Variants in KANK1 observed in about 807,000 individuals in gnomAD.
KANK1 encodes the protein KN motif and ankyrin repeat domain-containing protein 1.
A neutral mutation model predicts 106.2 loss-of-function variants in KANK1; 109 were observed. That is an observed-to-expected ratio of 1.03 (90% CI 0.88 to 1.20). The LOEUF (loss-of-function observed/expected upper bound fraction) is 1.20. Among genes scored for constraint, KANK1 ranks in the 50% most tolerant of loss-of-function variants. The pLI, the probability that KANK1 is intolerant of heterozygous loss-of-function variation, is 0.00. For synonymous variants in KANK1, 873 were observed against 652.2 expected (o/e 1.34, Z -5.16); for missense variants, 2,399 against 1,710.7 (o/e 1.40, Z -7.10).
chr9:539,253 A>G (rs1563736167), intron 1 of KANK1, among the ~76,000 whole-genome samples: 2 of 152,156 alleles, frequency 1.3e-5, no homozygotes, highest in Admixed American at 6.6e-5. Flanking sequence ...GGCATTTTGT[A>G]GTTCCATACA....
upstream of KANK1, among the ~76,000 whole-genome samples, chr9:503,009 T>C (rs1239174543): frequency 5.4e-5 from 7 of 130,196 alleles, no homozygotes; most frequent in East Asian, 1.2e-3. Context: ...TGATTTTTTT[T>C]TTTTTTTTTT....
At chr9:521,321 G>C (rs1172003404) in intron 1 of KANK1, among the ~76,000 whole-genome samples, 1 of 151,588 alleles carries the variant, frequency 6.6e-6, no homozygotes, top group African/African-American at 2.4e-5. Context: ...ACTTAGGCAA[G>C]AGTCTTAGGT....
intron 1 of KANK1, among the ~76,000 whole-genome samples, chr9:582,845 G>C (rs1220526237): frequency 6.6e-6 from 1 of 152,206 alleles, no homozygotes; most frequent in Non-Finnish European, 1.5e-5. Flanking sequence ...CGTGGGTTCA[G>C]ATGTACACTG....
chr9:650,210 C>G (rs1840576541), intron 1 of KANK1, among the ~76,000 whole-genome samples: 1 of 152,194 alleles, frequency 6.6e-6, no homozygotes, highest in South Asian at 2.1e-4. Context: ...ATACATAAAT[C>G]TACCTTTCTC....
intron 1 of KANK1, among the ~76,000 whole-genome samples, chr9:566,724 T>C (rs1817907993): frequency 6.6e-6 from 1 of 152,178 alleles, no homozygotes; most frequent in Non-Finnish European, 1.5e-5. Context: ...CTTATAAATT[T>C]AAGTTCCGTG....
At chr9:475,896 A>C (rs1011657298) in intron 3 of KANK1, among the ~76,000 whole-genome samples, 1 of 152,006 alleles carries the variant, frequency 6.6e-6, no homozygotes, top group African/African-American at 2.4e-5. Flanking sequence ...TCTGTTGCCC[A>C]GGCTGGAGTG....
intron 1 of KANK1, among the ~76,000 whole-genome samples, chr9:577,321 G>T (rs1386264132): frequency 6.6e-6 from 1 of 152,034 alleles, no homozygotes; most frequent in Non-Finnish European, 1.5e-5. Context: ...GTGCTGATTG[G>T]TGTGTTATTA....
At chr9:612,498 T>C (rs1830806533) in intron 1 of KANK1, among the ~76,000 whole-genome samples, 1 of 152,210 alleles carries the variant, frequency 6.6e-6, no homozygotes, top group African/African-American at 2.4e-5. Context: ...TTCAGTGTCA[T>C]CATCTTTATG....
At chr9:555,631 A>G (rs2804311) in intron 1 of KANK1, among the ~76,000 whole-genome samples, 62,870 of 152,080 alleles carry the variant, frequency 0.41, 15,692 homozygotes, top group South Asian at 0.59. Flanking sequence ...GTAAAAGCGT[A>G]AGATTCCCAT....
At chr9:488,215 A>G (rs551575195) in intron 3 of KANK1, among the ~76,000 whole-genome samples, 1 of 152,236 alleles carries the variant, frequency 6.6e-6, no homozygotes, top group East Asian at 1.9e-4. Context: ...ATGCATTTTG[A>G]TTGAGGCTGA....
At position 732,400 on chromosome 9, in the gene KANK1, G is replaced by GAT. The variant is rs1301394028; in HGVS notation, c.3029_3030dup (p.Ser1011IlefsTer49). ...TAGGTATGAAACAACTTCAAGTGAT[G>GAT]ATTCCAGCTCAGATGAAAGCTCTTC... On this transcript the variant is annotated frameshift_variant, in exon 6 of 12. Transcript: ENST00000382297. LOFTEE classifies it high-confidence loss of function. 3 of 1,612,398 alleles carry GAT rather than the reference G, an allele frequency of 1.9e-6. No homozygotes were observed. The Admixed American group carries it at 5.0e-5, about 27-fold the overall frequency.
intron 3 of KANK1, among the ~76,000 whole-genome samples, chr9:728,360 G>T (rs1177066977): frequency 6.6e-6 from 1 of 152,110 alleles, no homozygotes; most frequent in Non-Finnish European, 1.5e-5. Context: ...ACCATGCGTG[G>T]CTAATTTTTG....
intron 3 of KANK1, among the ~76,000 whole-genome samples, chr9:728,794 C>A (rs2131634737): frequency 6.6e-6 from 1 of 152,284 alleles, no homozygotes; most frequent in Non-Finnish European, 1.5e-5. Flanking sequence ...GATTGCAGGC[C>A]TTTAGATAAT....
chr9:731,201 G>GA lies in KANK1; in HGVS notation c.2943dup (p.Asp982ArgfsTer3). ...GTACACTGAAGTCCATCATGAAGAA[G>GA]AAAGATGGTAACAAAGATTCAAATG... is the stretch of plus-strand genomic sequence containing the variant. On this transcript the variant is annotated frameshift_variant, in exon 5 of 12. Coordinates refer to ENST00000382297, the MANE Select transcript of KANK1 (RefSeq NM_015158.5). LOFTEE classifies it high-confidence loss of function. 3 of 1,612,310 alleles carry GA rather than the reference G, an allele frequency of 1.9e-6. No individual in the cohort carries two copies. Among genetic ancestry groups the GA allele is most frequent in the Non-Finnish European group, 2.5e-6 (3 of 1,178,592 alleles).
In KANK1 at chr9:709,858, C is replaced by T. The variant is rs544211770; in HGVS notation, c.38-946C>T. On this transcript the variant is annotated intron_variant, in intron 2 of 11. Coordinates refer to ENST00000382297, the MANE Select transcript of KANK1 (RefSeq NM_015158.5). ...TCTCAAACTCTTGACCTCAGGTGAT[C>T]CACCCGCCTTGGCCTCCCAAAGTGC... 5.3e-4 allele frequency among the ~76,000 whole-genome samples: 81 copies of T among 152,222 alleles called. 1 individual carries two copies. The highest frequency in any genetic ancestry group is 1.9e-3 in the African/African-American group (77 of 41,520).
chr9:728,708 C>T (rs557380727), intron 3 of KANK1, among the ~76,000 whole-genome samples: 2 of 152,284 alleles, frequency 1.3e-5, no homozygotes, highest in South Asian at 2.1e-4. Flanking sequence ...AAGCCTGCTA[C>T]CTGGAGGCTT....
intron 1 of KANK1, among the ~76,000 whole-genome samples, chr9:598,449 G>A (rs1051929829): frequency 4.6e-5 from 7 of 151,300 alleles, no homozygotes; most frequent in Non-Finnish European, 1.0e-4. Flanking sequence ...ATTATTTGGA[G>A]TAATATTGTC....
At chr9:624,852 G>A (rs986903040) in intron 1 of KANK1, among the ~76,000 whole-genome samples, 8 of 152,074 alleles carry the variant, frequency 5.3e-5, no homozygotes, top group Non-Finnish European at 7.4e-5. Flanking sequence ...AAAAATAGCT[G>A]CCTTACCAAG....
chr9:508,591 G>A (rs1040180699), intron 1 of KANK1, among the ~76,000 whole-genome samples: 5 of 151,784 alleles, frequency 3.3e-5, no homozygotes, highest in African/African-American at 7.3e-5. Flanking sequence ...AAGAGTAACC[G>A]TTGTGCCAAC....
Sources: allele counts gnomAD v4.1 joint callset (sites outside exome capture counted in the v4.1 genomes callset), GRCh38; gene constraint gnomAD v4.1.1; transcripts MANE v1.5; gene names NCBI Gene and HGNC (gene_info 2026-07-23, HGNC 2026-07-21).